Variants in WDR27 observed in about 807,000 individuals in gnomAD.
The protein encoded by WDR27 is WD repeat domain 27, also known as WD repeat-containing protein 27.
WDR27 carries 100 observed loss-of-function variants against 114.4 expected under a neutral mutation model. The ratio of observed to expected loss-of-function variants is 0.87; its 90% CI spans 0.74 to 1.03. WDR27 has a LOEUF of 1.03. WDR27 is among the 50% of genes least tolerant of loss of function. WDR27 has a pLI of 0.00. For missense variants in WDR27, 1,129 were observed against 1,092.9 expected (o/e 1.03, Z -0.47); for synonymous variants, 449 against 423.1 (o/e 1.06, Z -0.75).
chr6:169,579,139 C>T (rs1256682716), intron 24 of WDR27, among the ~76,000 whole-genome samples: 1 of 152,180 alleles, frequency 6.6e-6, no homozygotes, highest in African/African-American at 2.4e-5. Context: ...GTGAACTGGC[C>T]ATTCCCAAAA....
Position 169,688,922 on chromosome 6 carries a change from C to T in WDR27, c.84G>A (p.Lys28=). Residue 28 remains lysine (K), a synonymous_variant, in exon 2 of 26, where the codon AAG becomes AAA. Coordinates refer to ENST00000448612, the MANE Select transcript of WDR27 (RefSeq NM_182552.5). ...IVIEKYLVES[K]ESVSHVQLAC... ...CAAGCTGAACATGAGACACAGACTC[C>T]TTGGATTCAACCAGGTATTTTTCTA... 1.2e-6 allele frequency: 2 copies of T among 1,613,942 alleles called. No homozygotes were observed. Among genetic ancestry groups the T allele is most frequent in the Non-Finnish European group, 1.7e-6 (2 of 1,179,862 alleles).
At chr6:169,427,289 G>A in the WDR27 span, among the ~76,000 whole-genome samples, 1 of 152,144 alleles carries the variant, frequency 6.6e-6, no homozygotes, top group African/African-American at 2.4e-5. Flanking sequence ...AGAACTATTG[G>A]AAGGCAGAGT....
chr6:169,433,981 ATAT>A, the WDR27 span, among the ~76,000 whole-genome samples: 1 of 152,080 alleles, frequency 6.6e-6, no homozygotes, highest in South Asian at 2.1e-4. Context: ...TAGATTCTGG[ATAT>A]TAGCCCTTTG....
intron 24 of WDR27, among the ~76,000 whole-genome samples, chr6:169,574,603 C>T (rs1292989057): frequency 1.3e-5 from 2 of 152,198 alleles, no homozygotes; most frequent in African/African-American, 4.8e-5. Context: ...GTGGGAAGCT[C>T]ATCCTGCAGT....
At chr6:169,573,020 C>T (rs1801702431) in intron 24 of WDR27, among the ~76,000 whole-genome samples, 1 of 110,214 alleles carries the variant, frequency 9.1e-6, no homozygotes, top group Non-Finnish European at 2.6e-5. Flanking sequence ...AAAACAGAGC[C>T]GTCCCCACGC....
At chr6:169,504,649 C>T (rs1791773405) in intron 25 of WDR27, among the ~76,000 whole-genome samples, 2 of 152,084 alleles carry the variant, frequency 1.3e-5, no homozygotes, top group South Asian at 4.1e-4. Flanking sequence ...CACTCTGTTG[C>T]CCAGGCTGGA....
At chr6:169,445,765 C>G in the WDR27 span, among the ~76,000 whole-genome samples, 1 of 152,370 alleles carries the variant, frequency 6.6e-6, no homozygotes, top group South Asian at 2.1e-4. Context: ...CAGCGGAGGT[C>G]TGGCAGCACA....
chr6:169,481,674 C>T (rs1238393575), intron 25 of WDR27, among the ~76,000 whole-genome samples: 1 of 152,172 alleles, frequency 6.6e-6, no homozygotes, highest in Non-Finnish European at 1.5e-5. Context: ...AGGTCTGCAG[C>T]TTCACTTCTG....
At chr6:169,649,170 T>C in intron 15 of WDR27, 28 bp downstream of exon 15, 1 of 1,546,530 alleles carries the variant, frequency 6.5e-7, no homozygotes. Context: ...ATTTCAAATG[T>C]ACTTGGAATG....
chr6:169,470,848 G>A (rs1786282495), intron 25 of WDR27, among the ~76,000 whole-genome samples: 1 of 152,096 alleles, frequency 6.6e-6, no homozygotes, highest in African/African-American at 2.4e-5. Flanking sequence ...ACAAGATGTG[G>A]CTTTATAAGC....
In WDR27 at chr6:169,670,638, T is replaced by C; in HGVS notation, c.387A>G (p.Leu129=). The part of the protein sequence containing the change: ...MGSLLGKVLC[L]QLSLDDHVVA... ...CAACATGATCATCCAGGCTCAACTG[T>C]AAACACAGCACCTTTCCCAAAAGCG... Residue 129 remains leucine (L), a synonymous_variant, in exon 4 of 26, where the codon TTA becomes TTG. Coordinates refer to ENST00000448612, the MANE Select transcript of WDR27 (RefSeq NM_182552.5). The C allele has an allele frequency of 6.2e-7, 1 of 1,613,986 alleles. No homozygotes were observed. Among genetic ancestry groups the C allele is most frequent in the Non-Finnish European group, 8.5e-7 (1 of 1,179,900 alleles).
chr6:169,648,094 T>C (rs1040421591), intron 15 of WDR27, among the ~76,000 whole-genome samples: 45 of 152,136 alleles, frequency 3.0e-4, no homozygotes, highest in African/African-American at 1.0e-3. Flanking sequence ...AAAAGACACA[T>C]ATTTTACATA....
chr6:169,564,213 A>G (rs1328995520), intron 25 of WDR27, among the ~76,000 whole-genome samples: 1 of 152,358 alleles, frequency 6.6e-6, no homozygotes, highest in South Asian at 2.1e-4. Context: ...GGCAGGAAGC[A>G]TCCAGCATGG....
chr6:169,634,311 C>T (rs1280795232), intron 20 of WDR27, 117 bp downstream of exon 20: 7 of 660,732 alleles, frequency 1.1e-5, no homozygotes, highest in Non-Finnish European at 1.8e-5. Context: ...AGAAGGGTCC[C>T]TGCATTCCCG....
intron 25 of WDR27, among the ~76,000 whole-genome samples, chr6:169,502,179 T>G (rs1445238636): frequency 6.6e-6 from 1 of 152,118 alleles, no homozygotes; most frequent in Non-Finnish European, 1.5e-5. Flanking sequence ...CAGGCCCCCA[T>G]GCAGGGAGAG....
chr6:169,586,407 C>T (rs955692897), intron 23 of WDR27, among the ~76,000 whole-genome samples: 1 of 149,162 alleles, frequency 6.7e-6, no homozygotes, highest in African/African-American at 2.4e-5. Flanking sequence ...TCTTCCATAG[C>T]ATTGACAACC....
At chr6:169,611,872 C>T (rs1034916769) in intron 22 of WDR27, among the ~76,000 whole-genome samples, 8 of 152,164 alleles carry the variant, frequency 5.3e-5, no homozygotes, top group Non-Finnish European at 1.0e-4. Flanking sequence ...CAGTGGCTCA[C>T]ACCTGTAATC....
chr6:169,630,807 T>C (rs180957837), intron 21 of WDR27, among the ~76,000 whole-genome samples: 238 of 151,736 alleles, frequency 1.6e-3, no homozygotes, highest in African/African-American at 5.6e-3. Flanking sequence ...GGCAGGAGAG[T>C]CATTGGAACC....
In WDR27 at chr6:169,670,631, T is replaced by G; in HGVS notation, c.394A>C (p.Ser132Arg). The G allele has an allele frequency of 6.2e-7, 1 of 1,613,938 alleles. No individual in the cohort carries two copies. The highest frequency in any genetic ancestry group is 8.5e-7 in the Non-Finnish European group (1 of 1,179,892). ...ACGGCAACAACATGATCATCCAGGC[T>G]CAACTGTAAACACAGCACCTTTCCC... is the stretch of plus-strand genomic sequence containing the variant. The part of the protein sequence containing the change: ...LLGKVLCLQL[S>R]LDDHVVAVCA... Residue 132 changes from serine (S) to arginine (R), a missense_variant, in exon 4 of 26, where the codon AGC (serine) becomes CGC (arginine). By Grantham distance (110) the Ser-to-Arg change is moderately radical. Transcript: ENST00000448612.
Sources: allele counts gnomAD v4.1 joint callset (sites outside exome capture counted in the v4.1 genomes callset), GRCh38; gene constraint gnomAD v4.1.1; transcripts MANE v1.5; gene names NCBI Gene and HGNC (gene_info 2026-07-23, HGNC 2026-07-21).